SORCS1: variants seen among roughly 807,000 people sequenced by gnomAD.
SORCS1 encodes sortilin related VPS10 domain containing receptor 1.
A neutral mutation model predicts 146.1 loss-of-function variants in SORCS1; 60 were observed. The ratio of observed to expected loss-of-function variants is 0.41; its 90% CI spans 0.33 to 0.51. The LOEUF is 0.51. SORCS1 is among the 20% of genes least tolerant of loss of function. The probability of loss-of-function intolerance (pLI) is 0.21; values close to 1 mark genes in which losing one functional copy is unlikely to be tolerated. For missense variants in SORCS1, 1,352 were observed against 1,487.6 expected (o/e 0.91, Z 1.50); for synonymous variants, 637 against 584.0 (o/e 1.09, Z -1.31).
chr10:106,718,208 G>C (rs1038725140), intron 6 of SORCS1, among the ~76,000 whole-genome samples: 14 of 152,212 alleles, frequency 9.2e-5, no homozygotes, highest in African/African-American at 1.2e-4. Flanking sequence ...TTGCGAGAAA[G>C]TCCTACTGGA....
At chr10:107,176,136 T>A in the SORCS1 span, among the ~76,000 whole-genome samples, 1 of 152,164 alleles carries the variant, frequency 6.6e-6, no homozygotes, top group African/African-American at 2.4e-5. Context: ...TACCACTTAG[T>A]TTAACTTTTA....
intron 3 of SORCS1, among the ~76,000 whole-genome samples, chr10:106,822,296 G>A (rs780235842): frequency 6.6e-4 from 100 of 152,118 alleles, no homozygotes; most frequent in Admixed American, 1.4e-3. Context: ...TGGCAATTTC[G>A]GGTATAGGTC....
At chr10:106,973,152 A>C (rs542216389) in intron 1 of SORCS1, among the ~76,000 whole-genome samples, 1 of 152,220 alleles carries the variant, frequency 6.6e-6, no homozygotes, top group East Asian at 1.9e-4. Flanking sequence ...ATTTACAACA[A>C]GACCATCTGT....
intron 1 of SORCS1, among the ~76,000 whole-genome samples, chr10:107,006,967 C>T (rs1445804280): frequency 1.3e-5 from 2 of 152,168 alleles, no homozygotes; most frequent in African/African-American, 4.8e-5. Flanking sequence ...TCTTAACATT[C>T]CAGAGACGAA....
chr10:106,809,587 G>C (rs1184722356), intron 3 of SORCS1, among the ~76,000 whole-genome samples: 1 of 152,192 alleles, frequency 6.6e-6, no homozygotes, highest in Non-Finnish European at 1.5e-5. Context: ...GAGTACAAAG[G>C]AAGGGGCTAG....
chr10:106,916,480 A>ATATTATATACATATATAATTATGTACAT (rs1446885201), intron 2 of SORCS1, among the ~76,000 whole-genome samples: 2 of 148,076 alleles, frequency 1.4e-5, no homozygotes, highest in African/African-American at 4.9e-5. Flanking sequence ...TGTATTATGT[A>ATATTATATACATATATAATTATGTACAT]TATTATATAC....
At chr10:107,076,910 T>A (rs1234731909) in intron 1 of SORCS1, among the ~76,000 whole-genome samples, 1 of 152,194 alleles carries the variant, frequency 6.6e-6, no homozygotes, top group Non-Finnish European at 1.5e-5. Context: ...GTGTGTTGAT[T>A]CAATATATTT....
At chr10:107,039,283 G>A (rs921949072) in intron 1 of SORCS1, among the ~76,000 whole-genome samples, 4 of 146,642 alleles carry the variant, frequency 2.7e-5, no homozygotes, top group East Asian at 2.0e-4. Context: ...AGCGTAGATC[G>A]CGTCACTGCA....
chr10:107,068,114 C>A lies in SORCS1; in HGVS notation c.558+95855G>T, dbSNP rs61867227. Among the ~76,000 whole-genome samples, 111 of 152,052 alleles carry A rather than the reference C, an allele frequency of 7.3e-4. 3 individuals are homozygous for A. The South Asian group carries it at 0.022, about 30-fold the overall frequency. Reference sequence around the variant, plus strand: ...CAAAATGATGTTACTGAGAGGCATGCGAATTGCTTTCAGTAATCATCATCC... The same window carrying A: ...CAAAATGATGTTACTGAGAGGCATGAGAATTGCTTTCAGTAATCATCATCC... On this transcript the variant is annotated intron_variant, in intron 1 of 25. Coordinates refer to ENST00000263054, the MANE Select transcript of SORCS1 (RefSeq NM_052918.5).
intron 1 of SORCS1, among the ~76,000 whole-genome samples, chr10:107,064,950 A>T (rs2134137143): frequency 6.6e-6 from 1 of 152,318 alleles, no homozygotes. Context: ...GTGGCAAAGC[A>T]GAGTAGAGAA....
intron 3 of SORCS1, among the ~76,000 whole-genome samples, chr10:106,818,004 T>C (rs1947826699): frequency 1.3e-5 from 2 of 152,222 alleles, no homozygotes. Context: ...TATTATTTAA[T>C]TGCATTCCTG....
intron 2 of SORCS1, among the ~76,000 whole-genome samples, chr10:106,948,508 A>C (rs960006175): frequency 6.6e-6 from 1 of 152,060 alleles, no homozygotes; most frequent in African/African-American, 2.4e-5. Context: ...CCCCATCTCT[A>C]CAAAAAAATT....
chr10:107,178,275 A>G, the SORCS1 span, among the ~76,000 whole-genome samples: 1 of 152,108 alleles, frequency 6.6e-6, no homozygotes, highest in South Asian at 2.1e-4. Context: ...CCCATTAACC[A>G]ACCTCGCTTC....
Position 106,625,209 on chromosome 10 carries a change from TG to T in SORCS1, c.2662+3992del, listed in dbSNP as rs1215783129. Among the ~76,000 whole-genome samples the T allele has an allele frequency of 5.0e-5, 5 of 99,288 alleles. No homozygotes were observed. In the East Asian group the frequency reaches 1.9e-3, roughly 37 times the overall value. 65.1% of individuals were successfully genotyped at this position (99,288 alleles called of 152,430 possible). ...TGCACATTGTGTGATTCTGTGTGTGTGTGTGTGTGTGTGTGTGTGTGTGTGT... is the reference window on the plus strand; with the variant it reads ...TGCACATTGTGTGATTCTGTGTGTGTTGTGTGTGTGTGTGTGTGTGTGTGT... On this transcript the variant is annotated intron_variant, in intron 19 of 25. Coordinates refer to ENST00000263054, the MANE Select transcript of SORCS1 (RefSeq NM_052918.5).
intron 17 of SORCS1, among the ~76,000 whole-genome samples, chr10:106,661,080 C>T (rs888186206): frequency 6.6e-6 from 1 of 152,082 alleles, no homozygotes; most frequent in Admixed American, 6.5e-5. Context: ...GCAGTATGCT[C>T]CCCGGTTCCA....
At chr10:107,018,034 T>C (rs11193169) in intron 1 of SORCS1, among the ~76,000 whole-genome samples, 45,822 of 152,048 alleles carry the variant, frequency 0.3, 7,371 homozygotes, top group Admixed American at 0.39. Flanking sequence ...GCCCACCCTA[T>C]ACCCAGAGGA....
At chr10:106,815,372 T>C (rs1296370413) in intron 3 of SORCS1, among the ~76,000 whole-genome samples, 1 of 152,208 alleles carries the variant, frequency 6.6e-6, no homozygotes, top group East Asian at 1.9e-4. Flanking sequence ...TAATATCCAG[T>C]ATCCAATTTC....
intron 2 of SORCS1, among the ~76,000 whole-genome samples, chr10:106,894,599 T>A: frequency 6.6e-6 from 1 of 152,230 alleles, no homozygotes; most frequent in Middle Eastern, 3.4e-3. Flanking sequence ...TAAACTCGCA[T>A]AGCCAATGAA....
intron 2 of SORCS1, among the ~76,000 whole-genome samples, chr10:106,912,091 C>T (rs186985654): frequency 2.8e-5 from 4 of 142,558 alleles, no homozygotes; most frequent in South Asian, 2.2e-4. Context: ...CCAGCCTGAG[C>T]GACAGATTGA....
Sources: gnomAD v4.1 joint callset for allele counts (sites outside exome capture counted in the v4.1 genomes callset) on GRCh38, gnomAD v4.1.1 for gene constraint, MANE v1.5 for transcripts, NCBI Gene and HGNC (gene_info 2026-07-23, HGNC 2026-07-21) for gene names.